Variants in SRR observed in about 807,000 individuals in gnomAD.
SRR encodes the protein serine racemase.
SRR carries 19 observed loss-of-function variants against 32.7 expected under a neutral mutation model. The observed-to-expected ratio is 0.58, with a 90% CI of 0.40 to 0.85. SRR has a LOEUF of 0.85. Among genes scored for constraint, SRR ranks in the 40% least tolerant of loss-of-function variants. The pLI, the probability that SRR is intolerant of heterozygous loss-of-function variation, is 0.00. For synonymous variants in SRR, 142 were observed against 140.9 expected (o/e 1.01, Z -0.06); for missense variants, 373 against 404.7 (o/e 0.92, Z 0.67).
chr17:2,303,460 C>T (rs1341104608), upstream of SRR: 10 of 1,318,392 alleles, frequency 7.6e-6, no homozygotes, highest in African/African-American at 1.5e-5. Flanking sequence ...CCCGACCCCG[C>T]ACTAACCCGC....
rs377299915 is a variant in SRR at position 2,311,208 on chromosome 17, GT to G, written c.-4-4342del. ...CCAGCCAACTATTTTTTGTTCTCTT[GT>G]TTTTTTGTTTTTAAGAGACAGGGTC... On this transcript the variant is annotated intron_variant, in intron 1 of 7. Coordinates refer to ENST00000344595, the MANE Select transcript of SRR (RefSeq NM_021947.3). Among the ~76,000 whole-genome samples, 95 of 151,898 alleles carry G rather than the reference GT, an allele frequency of 6.3e-4. No individual in the cohort carries two copies. In the East Asian group the frequency reaches 0.017, roughly 27 times the overall value.
chr17:2,311,594 T>C (rs2075434372), intron 1 of SRR, among the ~76,000 whole-genome samples: 1 of 152,116 alleles, frequency 6.6e-6, no homozygotes, highest in Non-Finnish European at 1.5e-5. Flanking sequence ...TGAGCTGAGA[T>C]CATGCCAATG....
intron 1 of SRR, among the ~76,000 whole-genome samples, chr17:2,311,265 C>T (rs897946125): frequency 6.6e-6 from 1 of 152,090 alleles, no homozygotes; most frequent in African/African-American, 2.4e-5. Flanking sequence ...TAACTCACTG[C>T]AGCCTTGAAC....
chr17:2,305,896 A>G (rs1012760080), intron 1 of SRR, among the ~76,000 whole-genome samples: 13 of 151,560 alleles, frequency 8.6e-5, no homozygotes, highest in Admixed American at 6.6e-4. Flanking sequence ...ATGGGGTTTC[A>G]CCATGTTGAC....
chr17:2,317,325 C>T (rs567188414), intron 2 of SRR, among the ~76,000 whole-genome samples: 225 of 150,198 alleles, frequency 1.5e-3, no homozygotes, highest in African/African-American at 4.6e-3. Context: ...TCCTGGCTAA[C>T]ACGGGGAAAC....
chr17:2,316,457 G>T (rs1002694451), intron 2 of SRR, among the ~76,000 whole-genome samples: 5 of 152,192 alleles, frequency 3.3e-5, no homozygotes, highest in African/African-American at 7.2e-5. Context: ...AGGCAAATTG[G>T]AAAGTGTTAT....
chr17:2,303,698 A>G (rs1304772469), upstream of SRR: 1 of 1,497,240 alleles, frequency 6.7e-7, no homozygotes, highest in Non-Finnish European at 8.9e-7. Context: ...GGAGATCCGC[A>G]CACGCTCCAG....
In SRR at chr17:2,310,571, G is replaced by A. The variant is rs544632713; in HGVS notation, c.-4-4986G>A. 1.3e-4 allele frequency among the ~76,000 whole-genome samples: 19 copies of A among 151,858 alleles called. No homozygotes were observed. The South Asian group carries it at 3.3e-3, about 27-fold the overall frequency. ...ACTTCAGGCCTGGCATGGTTTTTTGGGATTTTTGGTTGTTGTTTTTTTTTT... is the reference window on the plus strand; with the variant it reads ...ACTTCAGGCCTGGCATGGTTTTTTGAGATTTTTGGTTGTTGTTTTTTTTTT... On this transcript the variant is annotated intron_variant, in intron 1 of 7. Transcript: ENST00000344595.
rs141694122 is a variant in SRR, at chr17:2,321,597, G to C, written c.575G>C (p.Gly192Ala). The C allele has an allele frequency of 6.2e-5, 100 of 1,613,996 alleles. No individual in the cohort carries two copies. Among genetic ancestry groups the C allele is most frequent in the Non-Finnish European group, 7.7e-5 (91 of 1,179,984 alleles). ...GTAGGTGGAGGAGGAATGCTTGCTGGAATAGCAATTACAGTTAAGGTGAGC... is the reference window on the plus strand; with the variant it reads ...GTAGGTGGAGGAGGAATGCTTGCTGCAATAGCAATTACAGTTAAGGTGAGC... ...VPVGGGGMLA[G>A]IAITVKALKP... Residue 192 changes from glycine (G) to alanine (A), a missense_variant, in exon 6 of 8, where the codon GGA (glycine) becomes GCA (alanine). By Grantham distance (60) the Gly-to-Ala change is moderately conservative. Coordinates refer to ENST00000344595, the MANE Select transcript of SRR (RefSeq NM_021947.3).
At chr17:2,305,164 G>A (rs2075377372) in intron 1 of SRR, among the ~76,000 whole-genome samples, 1 of 152,194 alleles carries the variant, frequency 6.6e-6, no homozygotes, top group Non-Finnish European at 1.5e-5. Flanking sequence ...GTTCAGAAGA[G>A]GAACCATTTG....
intron 1 of SRR, among the ~76,000 whole-genome samples, chr17:2,305,243 ATC>A (rs1258410737): frequency 2.6e-5 from 4 of 152,346 alleles, no homozygotes; most frequent in Admixed American, 6.5e-5. Flanking sequence ...TTAAAAAATA[ATC>A]TGTTTCATAT....
At chr17:2,322,484 G>A (rs185862100) in intron 6 of SRR, 117 of 152,262 alleles carry the variant, frequency 7.7e-4, no homozygotes, top group African/African-American at 2.7e-3. Flanking sequence ...GGGCAGAAAT[G>A]TATTACTTAT....
At chr17:2,322,935 T>C in intron 6 of SRR, 1 of 554,130 alleles carries the variant, frequency 1.8e-6, no homozygotes, top group Non-Finnish European at 3.2e-6. Context: ...TGGCTGATTT[T>C]CCTATTTTTA....
chr17:2,310,974 C>G (rs967644748), intron 1 of SRR, among the ~76,000 whole-genome samples: 1 of 151,794 alleles, frequency 6.6e-6, no homozygotes, highest in Non-Finnish European at 1.5e-5. Flanking sequence ...TCTCGATCTC[C>G]TGACCTTGTG....
intron 1 of SRR, chr17:2,307,435 G>T: frequency 7.5e-7 from 1 of 1,338,562 alleles, no homozygotes; most frequent in Non-Finnish European, 1.1e-6. Flanking sequence ...CAGTGGTCAT[G>T]GTGGCTTTGG....
intron 1 of SRR, among the ~76,000 whole-genome samples, chr17:2,314,278 C>T (rs1400927238): frequency 6.6e-6 from 1 of 151,678 alleles, no homozygotes; most frequent in Non-Finnish European, 1.5e-5. Context: ...GGAGAAACCC[C>T]GTCTCTATTA....
chr17:2,320,267 T>TTC (rs1485206425), intron 4 of SRR, among the ~76,000 whole-genome samples: 3 of 145,654 alleles, frequency 2.1e-5, no homozygotes, highest in Non-Finnish European at 4.5e-5. Context: ...TTTTTTTTTT[T>TTC]TTTTTTTTTA....
intron 1 of SRR, among the ~76,000 whole-genome samples, chr17:2,313,538 C>A (rs2075448540): frequency 6.6e-6 from 1 of 151,440 alleles, no homozygotes; most frequent in Non-Finnish European, 1.5e-5. Context: ...GAGTTCAAGA[C>A]CAGCCTGGCC....
chr17:2,315,395 A>T, intron 1 of SRR, 162 bp from the exon 2 acceptor site: 2 of 644,682 alleles, frequency 3.1e-6, no homozygotes, highest in Non-Finnish European at 4.8e-6. Context: ...TTCAGCTTTT[A>T]AGTCAACTCT....
Sources: gnomAD v4.1 joint callset for allele counts (sites outside exome capture counted in the v4.1 genomes callset) on GRCh38, gnomAD v4.1.1 for gene constraint, MANE v1.5 for transcripts, NCBI Gene and HGNC (gene_info 2026-07-23, HGNC 2026-07-21) for gene names.